Variants in ZPR1 observed in about 807,000 individuals in gnomAD.
ZPR1 encodes the protein zinc finger protein ZPR1.
ZPR1 carries 37 observed loss-of-function variants against 59.6 expected under a neutral mutation model. The observed-to-expected ratio is 0.62, with a 90% CI of 0.48 to 0.82. ZPR1 has a LOEUF of 0.82. Among genes scored for constraint, ZPR1 ranks in the 40% least tolerant of loss-of-function variants. The probability of loss-of-function intolerance (pLI) is 0.00; values close to 1 mark genes in which losing one functional copy is unlikely to be tolerated. For synonymous variants in ZPR1, 191 were observed against 215.2 expected (o/e 0.89, Z 0.99); for missense variants, 527 against 579.9 (o/e 0.91, Z 0.94).
At chr11:116,783,744 C>G in intron 9 of ZPR1, 125 bp from the exon 10 acceptor site, 1 of 720,298 alleles carries the variant, frequency 1.4e-6, no homozygotes, top group Non-Finnish European at 2.4e-6. Context: ...AAAGAAAGAG[C>G]CTTCTAAACA....
chr11:116,787,711 G>T, intron 1 of ZPR1, 68 bp from the exon 2 acceptor site: 1 of 1,555,304 alleles, frequency 6.4e-7, no homozygotes, highest in Non-Finnish European at 8.7e-7. Context: ...TACTATCTCC[G>T]GGCGCTCCTC....
chr11:116,785,239 C>A, intron 6 of ZPR1, 93 bp from the exon 7 acceptor site: 1 of 1,422,804 alleles, frequency 7.0e-7, no homozygotes, highest in Non-Finnish European at 9.8e-7. Context: ...TCAGGTGCCA[C>A]CTCATCAGTT....
chr11:116,785,653 G>T lies in ZPR1; in HGVS notation c.583-17C>A. 1 of 1,613,886 alleles carries T rather than the reference G, an allele frequency of 6.2e-7. No individual in the cohort carries two copies. Among genetic ancestry groups the T allele is most frequent in the Non-Finnish European group, 8.5e-7 (1 of 1,180,026 alleles). ...ATCAATGATCTAACAAATGGGAGAA[G>T]AGAGAGTCACTGCAAAAGAAAATCA... On this transcript the variant is annotated splice_polypyrimidine_tract_variant and intron_variant, in intron 5 of 13. Coordinates refer to ENST00000227322, the MANE Select transcript of ZPR1 (RefSeq NM_003904.5).
At position 116,784,899 on chromosome 11, in the gene ZPR1, C is replaced by G; in HGVS notation, c.776G>C (p.Cys259Ser). The change falls in exon 8 of 14, where the codon TGC becomes TCC. Residue 259 changes from cysteine (C) to serine (S), a missense_variant. By Grantham distance (112) the Cys-to-Ser change is moderately radical (BLOSUM62 -1). Coordinates refer to ENST00000227322, the MANE Select transcript of ZPR1 (RefSeq NM_003904.5). ...RNEVLQFSTNCPECNAPAQTN... is the reference protein window; with the variant it reads ...RNEVLQFSTNSPECNAPAQTN... The stretch of plus-strand genomic sequence containing the variant: ...CTGAGCGGGGGCATTGCATTCTGGG[C>G]AGTTTGTGCTGAACTGGAGCACCTG... 6.2e-7 allele frequency: 1 copy of G among 1,614,148 alleles called. No homozygotes were observed.
chr11:116,779,660 G>T, intron 13 of ZPR1, 112 bp downstream of exon 13: 2 of 784,776 alleles, frequency 2.5e-6, no homozygotes, highest in Non-Finnish European at 4.0e-6. Context: ...TGCCTCCTTG[G>T]TAAAAAGCAG....
At chr11:116,783,726 T>C (rs1940844530) in intron 9 of ZPR1, 107 bp from the exon 10 acceptor site, 13 of 819,884 alleles carry the variant, frequency 1.6e-5, no homozygotes, top group South Asian at 6.2e-5. Context: ...GGGCCATTAA[T>C]AGCTACCAAA....
intron 8 of ZPR1, 138 bp downstream of exon 8, chr11:116,784,717 C>T: frequency 1.0e-6 from 1 of 982,578 alleles, no homozygotes; most frequent in Non-Finnish European, 1.6e-6. Flanking sequence ...CCAAGGTACA[C>T]AGTCTAATCA....
At chr11:116,779,591 T>TA (rs36064778) in intron 13 of ZPR1, among the ~76,000 whole-genome samples, 181 bp downstream of exon 13, 71 of 148,948 alleles carry the variant, frequency 4.8e-4, no homozygotes, top group South Asian at 4.0e-3. Context: ...TACATACACT[T>TA]AAAAAAAAAA....
At position 116,785,788 on chromosome 11, in the gene ZPR1, A is replaced by C. The variant is rs758705352; in HGVS notation, c.582+8T>G. 2.5e-6 allele frequency: 4 copies of C among 1,613,852 alleles called. No individual in the cohort carries two copies. Among genetic ancestry groups the C allele is most frequent in the Non-Finnish European group, 3.4e-6 (4 of 1,179,714 alleles). On this transcript the variant is annotated splice_region_variant and intron_variant, in intron 5 of 13. Coordinates refer to ENST00000227322, the MANE Select transcript of ZPR1 (RefSeq NM_003904.5). ...AATCAAGGGCAACTCCAGCCTCTCA[A>C]TACTCACCAGAGTGAAAGGGGAGGC...
chr11:116,780,833 C>T (rs1940794336), intron 12 of ZPR1, among the ~76,000 whole-genome samples: 1 of 151,974 alleles, frequency 6.6e-6, no homozygotes, highest in Admixed American at 6.6e-5. Flanking sequence ...TGAGCAAAGC[C>T]CTTAACACTG....
chr11:116,779,726 A>T (rs1273437685), intron 13 of ZPR1, 46 bp downstream of exon 13: 3 of 1,364,048 alleles, frequency 2.2e-6, no homozygotes, highest in East Asian at 4.7e-5. Flanking sequence ...TTCAAGGAAG[A>T]TCAGAAAATG....
chr11:116,781,776 G>C (rs531949871), intron 12 of ZPR1, among the ~76,000 whole-genome samples: 31 of 152,278 alleles, frequency 2.0e-4, no homozygotes, highest in African/African-American at 7.2e-4. Context: ...ACTTTGGGAA[G>C]CCCAGGCAGG....
At chr11:116,784,519 ACC>A (rs1409867154) in intron 8 of ZPR1, 71 bp from the exon 9 acceptor site, 1 of 1,400,742 alleles carries the variant, frequency 7.1e-7, no homozygotes, top group South Asian at 1.2e-5. Context: ...ACAAAGCCAA[ACC>A]CCACACAAAC....
At chr11:116,784,819 A>T (rs191595566) in intron 8 of ZPR1, 36 bp downstream of exon 8, 1 of 1,605,000 alleles carries the variant, frequency 6.2e-7, no homozygotes, top group Non-Finnish European at 8.5e-7. Flanking sequence ...TGCCTGAGTC[A>T]GATGAAGAGC....
chr11:116,782,883 C>T, intron 11 of ZPR1, 36 bp downstream of exon 11: 1 of 1,562,672 alleles, frequency 6.4e-7, no homozygotes, highest in African/African-American at 1.4e-5. Context: ...AGCCAAATTG[C>T]TCAAAGGTGG....
At chr11:116,780,867 A>G (rs1272642480) in intron 12 of ZPR1, among the ~76,000 whole-genome samples, 1 of 152,228 alleles carries the variant, frequency 6.6e-6, no homozygotes, top group Admixed American at 6.5e-5. Context: ...CAAATGGGGA[A>G]AAAAAGGATG....
intron 8 of ZPR1, 44 bp downstream of exon 8, chr11:116,784,811 C>T (rs763086986): frequency 2.7e-5 from 43 of 1,589,312 alleles, no homozygotes; most frequent in Non-Finnish European, 3.5e-5. Flanking sequence ...AATCTTCATG[C>T]CTGAGTCAGA....
At position 116,787,962 on chromosome 11, in the gene ZPR1, C is replaced by T. The variant is rs1456803154; in HGVS notation, c.29G>A (p.Gly10Glu). MAASGAVEP[G>E]PPGAAVAPSP... ...CGGGGCGACGGCAGCCCCCGGGGGC[C>T]CTGGTTCCACAGCCCCGCTGGCCGC... Residue 10 changes from glycine (G) to glutamate (E), a missense_variant, in exon 1 of 14, where the codon GGG becomes GAG. Gly to Glu is a moderately conservative substitution (Grantham distance 98). Transcript: ENST00000227322. The T allele has an allele frequency of 1.4e-6, 2 of 1,451,996 alleles. No homozygotes were observed. Among genetic ancestry groups the T allele is most frequent in the Non-Finnish European group, 9.0e-7 (1 of 1,113,454 alleles). 89.9% of individuals were successfully genotyped at this position (1,451,996 alleles called of 1,614,324 possible).
rs1332479120 is a variant in ZPR1, at chr11:116,777,169, A to C, written c.*1756T>G. The C allele has an allele frequency of 6.6e-6, 1 of 152,258 alleles. No individual in the cohort carries two copies. Among genetic ancestry groups the C allele is most frequent in the Non-Finnish European group, 1.5e-5 (1 of 68,054 alleles). The allele number at this position is 152,258 out of a possible 1,614,324, so 9.4% of individuals were successfully genotyped here. On this transcript the variant is annotated 3_prime_UTR_variant, in exon 14 of 14. Transcript: ENST00000227322. ...AAGTGTCCAAATAAGAAATATTCAA[A>C]GTGAAGGGAAAACCAAGGGTACAGT...
Sources: allele counts gnomAD v4.1 joint callset (sites outside exome capture counted in the v4.1 genomes callset), GRCh38; gene constraint gnomAD v4.1.1; transcripts MANE v1.5; gene names NCBI Gene and HGNC (gene_info 2026-07-23, HGNC 2026-07-21).